MAPKAPK2: variants seen among roughly 807,000 people sequenced by gnomAD.
MAPKAPK2 encodes the protein MAPK activated protein kinase 2, also known as MAP kinase-activated protein kinase 2.
In MAPKAPK2, 9 loss-of-function variants were observed where a neutral mutation model predicts 48.8. The observed-to-expected ratio is 0.18, with a 90% CI of 0.11 to 0.32. The LOEUF (loss-of-function observed/expected upper bound fraction) is 0.32, where lower values mean the gene tolerates loss of function less well. Ranked by LOEUF, MAPKAPK2 falls within the 10% of genes least tolerant of loss-of-function variation. The pLI, the probability that MAPKAPK2 is intolerant of heterozygous loss-of-function variation, is 1.00. For synonymous variants in MAPKAPK2, 202 were observed against 190.6 expected, an observed-to-expected ratio of 1.06 and a Z score of -0.49; for missense variants, 331 against 498.3, an observed-to-expected ratio of 0.66 and a Z score of 3.20.
rs142977540 is a variant in MAPKAPK2, at chr1:206,687,992, A to G, written c.279+2484A>G. Among the ~76,000 whole-genome samples, 138 of 152,276 alleles carry G rather than the reference A, an allele frequency of 9.1e-4. 1 individual carries two copies. The highest frequency in any genetic ancestry group is 3.1e-3 in the African/African-American group (130 of 41,560). On this transcript the variant is annotated intron_variant, in intron 1 of 9. Coordinates refer to ENST00000367103, the MANE Select transcript of MAPKAPK2 (RefSeq NM_032960.4). ...TGCTTAGATGCTCTCCTCTCTGCCT[A>G]TAGTCGGTGACCTCTTAGCCCTGTT...
intron 2 of MAPKAPK2, 87 bp downstream of exon 2, chr1:206,728,936 G>T: frequency 6.2e-7 from 1 of 1,612,396 alleles, no homozygotes; most frequent in African/African-American, 1.3e-5. Context: ...CCAGGGATGG[G>T]CCTGAAGCCT....
In MAPKAPK2 at chr1:206,730,679, G is replaced by A. The variant is rs782576618; in HGVS notation, c.692-9G>A. The stretch of plus-strand genomic sequence containing the variant: ...GGCCGGCCCACCCATGTTGACCTTT[G>A]ATTTGCAGCTCCAGAAGTGCTGGGT... On this transcript the variant is annotated splice_polypyrimidine_tract_variant and intron_variant, in intron 5 of 9. Coordinates refer to ENST00000367103, the MANE Select transcript of MAPKAPK2 (RefSeq NM_032960.4). The A allele has an allele frequency of 2.6e-6, 4 of 1,564,810 alleles. No homozygotes were observed. In the South Asian group the frequency reaches 4.4e-5, roughly 17 times the overall value.
chr1:206,700,114 A>T (rs1162283704), intron 1 of MAPKAPK2, among the ~76,000 whole-genome samples: 2 of 151,046 alleles, frequency 1.3e-5, no homozygotes, highest in Non-Finnish European at 2.9e-5. Flanking sequence ...CTCCCGCTGC[A>T]ATGCTTTTCC....
In MAPKAPK2 at chr1:206,731,509, G is replaced by A. The variant is rs1198015008; in HGVS notation, c.893-131G>A. The stretch of plus-strand genomic sequence containing the variant: ...GTGGTACAGCCGTAATGGTCCTTGG[G>A]GCCAGTTGCTCCGGCAGCCTGCCTC... On this transcript the variant is annotated intron_variant, in intron 7 of 9. Transcript: ENST00000367103. This position sits in a 1 kb window ranked among gnomAD's most constrained non-coding sequence, Gnocchi z 5.9. 5 of 1,076,926 alleles carry A rather than the reference G, an allele frequency of 4.6e-6. No individual in the cohort carries two copies. The highest frequency in any genetic ancestry group is 7.0e-6 in the Non-Finnish European group (5 of 710,442). The allele number at this position is 1,076,926 out of a possible 1,614,324, so 66.7% of individuals were successfully genotyped here.
chr1:206,722,477 GA>G (rs1673555215), intron 1 of MAPKAPK2, among the ~76,000 whole-genome samples: 1 of 152,198 alleles, frequency 6.6e-6, no homozygotes, highest in Non-Finnish European at 1.5e-5. Flanking sequence ...TTACATAGTT[GA>G]TTAACACATA....
rs181741360 is a variant in MAPKAPK2 at position 206,712,732 on chromosome 1, G to A, written c.280-15978G>A. ...TGTAATCCCAGTATTTTGGGAGGCC[G>A]AGGTGGGTGAATGACTTGAGGTCAG... On this transcript the variant is annotated intron_variant, in intron 1 of 9. Transcript: ENST00000367103. 5.3e-5 allele frequency among the ~76,000 whole-genome samples: 8 copies of A among 152,158 alleles called. No homozygotes were observed. The East Asian group carries it at 1.2e-3, about 22-fold the overall frequency.
intron 1 of MAPKAPK2, among the ~76,000 whole-genome samples, chr1:206,699,992 T>C (rs1445737219): frequency 2.0e-5 from 3 of 151,448 alleles, no homozygotes; most frequent in Non-Finnish European, 4.4e-5. Flanking sequence ...TCTCTTTCTT[T>C]CTTCTTCTTA....
chr1:206,710,531 A>G (rs1196189584), intron 1 of MAPKAPK2, among the ~76,000 whole-genome samples: 2 of 152,240 alleles, frequency 1.3e-5, no homozygotes, highest in African/African-American at 4.8e-5. Flanking sequence ...TATAGACTAG[A>G]TAGCTGACTG....
At chr1:206,705,267 G>A (rs557056179) in intron 1 of MAPKAPK2, among the ~76,000 whole-genome samples, 25 of 152,280 alleles carry the variant, frequency 1.6e-4, no homozygotes, top group African/African-American at 5.3e-4. Flanking sequence ...AGGGGCCCCG[G>A]CAGGTGGCTT....
chr1:206,686,508 G>A (rs1553425623), intron 1 of MAPKAPK2, among the ~76,000 whole-genome samples: 1 of 152,188 alleles, frequency 6.6e-6, no homozygotes, highest in African/African-American at 2.4e-5. Context: ...CACCAACAAG[G>A]TTTTCCTCTC....
chr1:206,695,179 A>T (rs1553426813), intron 1 of MAPKAPK2, among the ~76,000 whole-genome samples: 1 of 152,202 alleles, frequency 6.6e-6, no homozygotes. Flanking sequence ...TTTAAAAGAA[A>T]ATAAAATTAG....
At chr1:206,710,838 G>A (rs1453733237) in intron 1 of MAPKAPK2, among the ~76,000 whole-genome samples, 1 of 152,176 alleles carries the variant, frequency 6.6e-6, no homozygotes, top group Non-Finnish European at 1.5e-5. Flanking sequence ...CAACAAGAAG[G>A]CAAGTGCTGT....
chr1:206,707,103 T>C (rs868967458), intron 1 of MAPKAPK2, among the ~76,000 whole-genome samples: 5 of 152,168 alleles, frequency 3.3e-5, no homozygotes, highest in African/African-American at 9.7e-5. Flanking sequence ...CTCCACTTCC[T>C]GTCAGGGCCC....
At chr1:206,693,021 A>T (rs540523616) in intron 1 of MAPKAPK2, among the ~76,000 whole-genome samples, 1 of 152,254 alleles carries the variant, frequency 6.6e-6, no homozygotes, top group East Asian at 1.9e-4. Flanking sequence ...TGAACAGGAG[A>T]TCTACTGACT....
chr1:206,730,662 C>T (rs781861939), intron 5 of MAPKAPK2, 26 bp from the exon 6 acceptor site: 3 of 1,604,958 alleles, frequency 1.9e-6, no homozygotes, highest in South Asian at 1.1e-5. Flanking sequence ...AGGGCCGGCC[C>T]ACCCATGTTG....
chr1:206,692,420 T>A (rs1439110759), intron 1 of MAPKAPK2, among the ~76,000 whole-genome samples: 2 of 152,220 alleles, frequency 1.3e-5, no homozygotes, highest in Non-Finnish European at 2.9e-5. Flanking sequence ...GGTTGCCTGG[T>A]GATGTCTGTT....
intron 1 of MAPKAPK2, among the ~76,000 whole-genome samples, chr1:206,706,113 CTTAT>C (rs10525931): frequency 0.17 from 25,483 of 145,622 alleles, 2,365 homozygotes; most frequent in African/African-American, 0.24. Flanking sequence ...TTTCCTATCT[CTTAT>C]TTATTTATTT....
rs1429244350 is a variant in MAPKAPK2 at position 206,713,946 on chromosome 1, G to A, written c.280-14764G>A. On this transcript the variant is annotated intron_variant, in intron 1 of 9. Transcript: ENST00000367103. Reference sequence around the variant, plus strand: ...ACTGGAAAAGGAAAGATGGATTTGGGAGATCTTCCCAGAGACAAAATTGGA... The same window carrying A: ...ACTGGAAAAGGAAAGATGGATTTGGAAGATCTTCCCAGAGACAAAATTGGA... Among the ~76,000 whole-genome samples, 7 of 152,284 alleles carry A rather than the reference G, an allele frequency of 4.6e-5. No homozygotes were observed. The East Asian group carries it at 1.2e-3, about 25-fold the overall frequency.
chr1:206,726,121 C>T lies in MAPKAPK2; in HGVS notation c.280-2589C>T, dbSNP rs925400553. Among the ~76,000 whole-genome samples the T allele has an allele frequency of 9.2e-5, 14 of 152,324 alleles. 1 individual carries two copies. The South Asian group carries it at 2.1e-3, about 23-fold the overall frequency. On this transcript the variant is annotated intron_variant, in intron 1 of 9. Coordinates refer to ENST00000367103, the MANE Select transcript of MAPKAPK2 (RefSeq NM_032960.4). ...AAGTTGAAGGCTGGGCATGGTGGCT[C>T]ACACCTGTAATCCCAGCACATTGGG...
Sources: gnomAD v4.1 joint callset for allele counts (sites outside exome capture counted in the v4.1 genomes callset) on GRCh38, gnomAD v4.1.1 for gene constraint, Gnocchi (gnomAD v3.1) non-coding constraint, MANE v1.5 for transcripts, NCBI Gene and HGNC (gene_info 2026-07-23, HGNC 2026-07-21) for gene names.